Variants in SCN3B observed in about 807,000 individuals in gnomAD.
SCN3B encodes sodium channel regulatory subunit beta-3.
In SCN3B, 11 loss-of-function variants were observed where a neutral mutation model predicts 25.4. The ratio of observed to expected loss-of-function variants is 0.43; its 90% CI spans 0.27 to 0.72. The LOEUF (loss-of-function observed/expected upper bound fraction) is 0.72. Among genes scored for constraint, SCN3B ranks in the 30% least tolerant of loss-of-function variants. The pLI, the probability that SCN3B is intolerant of heterozygous loss-of-function variation, is 0.18. For synonymous variants in SCN3B, 109 were observed against 110.7 expected, an observed-to-expected ratio of 0.99 and a Z score of 0.09; for missense variants, 218 against 278.3, an observed-to-expected ratio of 0.78 and a Z score of 1.54.
Position 123,630,334 on chromosome 11 carries a change from A to G in SCN3B, c.*3465T>C, listed in dbSNP as rs956740297. On this transcript the variant is annotated 3_prime_UTR_variant, in exon 7 of 7. Transcript: ENST00000299333. ...CCAACTGGATTGAGCAATCACATTC[A>G]TGGCTGTGAAGTAGTAAGAATGGGA... is the stretch of plus-strand genomic sequence containing the variant. 2.3e-4 allele frequency: 35 copies of G among 152,662 alleles called. No individual in the cohort carries two copies. Among genetic ancestry groups the G allele is most frequent in the African/African-American group, 8.0e-4 (33 of 41,446 alleles). The allele number at this position is 152,662 out of a possible 1,614,324, so 9.5% of individuals were successfully genotyped here.
chr11:123,650,130 G>C (rs1415647045), intron 2 of SCN3B, among the ~76,000 whole-genome samples: 1 of 152,136 alleles, frequency 6.6e-6, no homozygotes, highest in African/African-American at 2.4e-5. Context: ...CAAATCATTT[G>C]ACCTTTGTTC....
chr11:123,649,755 G>A (rs1955901740), intron 2 of SCN3B, among the ~76,000 whole-genome samples: 1 of 149,270 alleles, frequency 6.7e-6, no homozygotes, highest in South Asian at 2.1e-4. Context: ...CCAGGCTGGA[G>A]TACAATGGCA....
At position 123,633,711 on chromosome 11, in the gene SCN3B, G is replaced by T; in HGVS notation, c.*88C>A. On this transcript the variant is annotated 3_prime_UTR_variant, in exon 7 of 7. Transcript: ENST00000299333. ...GAAGGGAAGCGATGGGGCCCTTGGG[G>T]CGCCCTCCTGATGCCATTGACATTG... The T allele has an allele frequency of 3.6e-6, 1 of 276,302 alleles. No individual in the cohort carries two copies. The highest frequency in any genetic ancestry group is 4.1e-5 in the South Asian group (1 of 24,154). 17.1% of individuals were successfully genotyped at this position (276,302 alleles called of 1,614,324 possible).
At position 123,640,326 on chromosome 11, in the gene SCN3B, C is replaced by T. The variant is rs1955772759; in HGVS notation, c.446-2002G>A. 2.6e-5 allele frequency: 4 copies of T among 152,308 alleles called. No homozygotes were observed. The South Asian group carries it at 8.3e-4, about 32-fold the overall frequency. 9.4% of individuals were successfully genotyped at this position (152,308 alleles called of 1,614,324 possible). ...TTTAGTTACCTCTAGGTGAAGAGGC[C>T]TCAGGTTTCTGCCTTAGGGCCAGGA... On this transcript the variant is annotated intron_variant, in intron 4 of 6. Coordinates refer to ENST00000299333, the MANE Select transcript of SCN3B (RefSeq NM_001040151.2).
Position 123,629,643 on chromosome 11 carries a change from C to T in SCN3B, c.*4156G>A, listed in dbSNP as rs1338040682. On this transcript the variant is annotated 3_prime_UTR_variant, in exon 7 of 7. Transcript: ENST00000299333. ...TTCAGACCTGTGACTGCATGGCACA[C>T]TAAAGGTCTAGGCTAGAGCTTGACA... The T allele has an allele frequency of 1.3e-5, 2 of 152,228 alleles. No homozygotes were observed. Among genetic ancestry groups the T allele is most frequent in the Admixed American group, 6.5e-5 (1 of 15,274 alleles). 9.4% of individuals were successfully genotyped at this position (152,228 alleles called of 1,614,324 possible). A position where few individuals can be genotyped will look rare whatever the true frequency, so the allele number is the denominator to read the frequency against.
intron 4 of SCN3B, 126 bp from the exon 5 acceptor site, chr11:123,638,450 T>C: frequency 7.6e-7 from 1 of 1,321,256 alleles, no homozygotes; most frequent in Non-Finnish European, 1.1e-6. Flanking sequence ...ATGTCAAAGG[T>C]ATTCCAAATC....
intron 2 of SCN3B, among the ~76,000 whole-genome samples, chr11:123,646,076 A>T (rs971027729): frequency 1.3e-5 from 2 of 152,146 alleles, no homozygotes; most frequent in African/African-American, 2.4e-5. Flanking sequence ...GAGACAGGGC[A>T]TCTACCTACC....
chr11:123,641,207 GGGAGTACCTCAGA>G (rs1955785918), intron 4 of SCN3B: 2 of 152,438 alleles, frequency 1.3e-5, no homozygotes, highest in South Asian at 4.1e-4. Flanking sequence ...TTCAGAACAG[GGGAGTACCTCAGA>G]GAGCCCCCCG....
At chr11:123,641,578 T>C (rs900700856) in intron 4 of SCN3B, among the ~76,000 whole-genome samples, 1 of 152,276 alleles carries the variant, frequency 6.6e-6, no homozygotes, top group Admixed American at 6.5e-5. Flanking sequence ...GTGATAATGC[T>C]GGAGATAGAC....
At chr11:123,636,473 T>C (rs1417262657) in intron 5 of SCN3B, among the ~76,000 whole-genome samples, 1 of 152,234 alleles carries the variant, frequency 6.6e-6, no homozygotes, top group East Asian at 1.9e-4. Flanking sequence ...CCTTGATATG[T>C]CCCTGATATT....
intron 5 of SCN3B, among the ~76,000 whole-genome samples, chr11:123,637,611 C>G (rs1021600116): frequency 3.9e-5 from 6 of 152,166 alleles, no homozygotes; most frequent in Non-Finnish European, 7.4e-5. Context: ...TCACTGCAAC[C>G]TCCGCCTCCC....
chr11:123,633,964 T>C, intron 6 of SCN3B, 157 bp downstream of exon 6: 1 of 644,244 alleles, frequency 1.6e-6, no homozygotes, highest in South Asian at 1.7e-5. Context: ...TACAGAGCTT[T>C]CTGACTTAAA....
chr11:123,634,066 C>A, intron 6 of SCN3B, 55 bp downstream of exon 6: 1 of 1,417,230 alleles, frequency 7.1e-7, no homozygotes, highest in Non-Finnish European at 1.0e-6. Flanking sequence ...AACAAAGTCA[C>A]TTGTACAACC....
rs570018148 is a variant in SCN3B, at chr11:123,651,203, T to C, written c.55+2544A>G. Among the ~76,000 whole-genome samples the C allele has an allele frequency of 1.2e-4, 18 of 152,144 alleles. No homozygotes were observed. In the East Asian group the frequency reaches 3.5e-3, roughly 29 times the overall value. On this transcript the variant is annotated intron_variant, in intron 2 of 6. Transcript: ENST00000299333. Reference sequence around the variant, plus strand: ...AACAAAGGAAATAAGGAAACTTTTTTTCATGCATGCAGAAAGTAAATGGAA... The same window carrying C: ...AACAAAGGAAATAAGGAAACTTTTTCTCATGCATGCAGAAAGTAAATGGAA...
chr11:123,642,789 G>A lies in SCN3B; in HGVS notation c.220-118C>T. The A allele has an allele frequency of 1.3e-6, 1 of 791,742 alleles. No homozygotes were observed. The highest frequency in any genetic ancestry group is 2.1e-6 in the Non-Finnish European group (1 of 465,532). The allele number at this position is 791,742 out of a possible 1,614,324, so 49.0% of individuals were successfully genotyped here. A position where few individuals can be genotyped will look rare whatever the true frequency, so the allele number is the denominator to read the frequency against. On this transcript the variant is annotated intron_variant, in intron 3 of 6. Transcript: ENST00000299333. The surrounding 1 kb of genome is among the most constrained non-coding windows in gnomAD (Gnocchi z 4.3). ...AATTGTGCATGGACAGGGAAGAGAG[G>A]GGACAATGCCACCGGGAGACCCAGA...
intron 5 of SCN3B, among the ~76,000 whole-genome samples, chr11:123,635,993 T>C (rs997270179): frequency 1.3e-5 from 2 of 152,236 alleles, no homozygotes; most frequent in Non-Finnish European, 2.9e-5. Flanking sequence ...TAATGGGCAT[T>C]TTGATTGGGA....
At chr11:123,645,250 T>C (rs576446372) in intron 3 of SCN3B, among the ~76,000 whole-genome samples, 10 of 152,298 alleles carry the variant, frequency 6.6e-5, no homozygotes, top group African/African-American at 1.9e-4. Flanking sequence ...TCTTTATGAA[T>C]TTAATGCATA....
chr11:123,638,303 A>G lies in SCN3B; in HGVS notation c.467T>C (p.Val156Ala). The G allele has an allele frequency of 6.2e-7, 1 of 1,614,156 alleles. No individual in the cohort carries two copies. The change falls in exon 5 of 7, where the codon GTG becomes GCG. Residue 156 changes from valine to alanine, a missense_variant. Physicochemically the swap from Val to Ala is moderately conservative, Grantham distance 64 (BLOSUM62 0). Coordinates refer to ENST00000299333, the MANE Select transcript of SCN3B (RefSeq NM_001040151.2). ...TEEAGEDFTS[V>A]VSEIMMYILL... Reference sequence around the variant, plus strand: ...GATGTACATCATGATTTCTGAGACCACAGAGGTGAAGTCCTCTCCAGCTGA... The same window carrying G: ...GATGTACATCATGATTTCTGAGACCGCAGAGGTGAAGTCCTCTCCAGCTGA...
chr11:123,637,189 T>A (rs1348739935), intron 5 of SCN3B, among the ~76,000 whole-genome samples: 1 of 152,172 alleles, frequency 6.6e-6, no homozygotes, highest in African/African-American at 2.4e-5. Context: ...CTCAAGTGAC[T>A]AGAGTCTCTG....
Sources: gnomAD v4.1 joint callset for allele counts (sites outside exome capture counted in the v4.1 genomes callset) on GRCh38, gnomAD v4.1.1 for gene constraint, Gnocchi (gnomAD v3.1) non-coding constraint, MANE v1.5 for transcripts, NCBI Gene and HGNC (gene_info 2026-07-23, HGNC 2026-07-21) for gene names.